The following RYR2 variants were observed in gnomAD, a reference collection of about 807,000 sequenced individuals.
RYR2 encodes cardiac muscle ryanodine receptor-calcium release channel.
A neutral mutation model predicts 601.1 loss-of-function variants in RYR2; 227 were observed. That is an observed-to-expected ratio of 0.38 (90% CI 0.34 to 0.42). RYR2 has a LOEUF of 0.42. Among genes scored for constraint, RYR2 ranks in the 10% least tolerant of loss-of-function variants. RYR2 has a pLI of 1.00. For missense variants in RYR2, 4,646 were observed against 6,156.5 expected, an observed-to-expected ratio of 0.75 and a Z score of 8.21; for synonymous variants, 2,223 against 2,175.1, an observed-to-expected ratio of 1.02 and a Z score of -0.61.
Position 237,501,713 on chromosome 1 carries a change from A to G in RYR2, c.2396+810A>G, listed in dbSNP as rs928085228. ...AATCATGAATATTAGCTATCCACGT[A>G]CCAGTTACTTTTTCTGATGTATTTA... is the stretch of plus-strand genomic sequence containing the variant. On this transcript the variant is annotated intron_variant, in intron 21 of 104. Transcript: ENST00000366574. 4.6e-5 allele frequency among the ~76,000 whole-genome samples: 7 copies of G among 152,218 alleles called. 1 individual carries two copies. In the East Asian group the frequency reaches 7.7e-4, roughly 17 times the overall value.
chr1:237,270,343 T>G, intron 1 of RYR2, 154 bp from the exon 2 acceptor site: 1 of 1,057,958 alleles, frequency 9.5e-7, no homozygotes. Context: ...ATTGATTCCG[T>G]AGGGGTTTCT....
At chr1:237,079,749 G>A (rs1168854297) in intron 1 of RYR2, among the ~76,000 whole-genome samples, 3 of 143,034 alleles carry the variant, frequency 2.1e-5, no homozygotes, top group African/African-American at 3.0e-5. Flanking sequence ...AGCTAGCAAT[G>A]CCTTTCTTCA....
At chr1:237,725,295 C>T (rs1456994061) in intron 74 of RYR2, among the ~76,000 whole-genome samples, 2 of 151,904 alleles carry the variant, frequency 1.3e-5, no homozygotes, top group African/African-American at 4.8e-5. Context: ...AAGAAATTGT[C>T]GATTATCAAA....
intron 91 of RYR2, among the ~76,000 whole-genome samples, chr1:237,787,778 C>A (rs1657822381): frequency 6.6e-6 from 1 of 152,064 alleles, no homozygotes; most frequent in Admixed American, 6.6e-5. Context: ...TTCAACTTCA[C>A]AGAATTACCC....
At chr1:237,287,892 T>A (rs930144558) in intron 2 of RYR2, among the ~76,000 whole-genome samples, 1 of 152,194 alleles carries the variant, frequency 6.6e-6, no homozygotes, top group Non-Finnish European at 1.5e-5. Flanking sequence ...AGCCTTGTTT[T>A]GTCATATTAC....
At chr1:237,075,104 G>C (rs1401898523) in intron 1 of RYR2, among the ~76,000 whole-genome samples, 1 of 152,134 alleles carries the variant, frequency 6.6e-6, no homozygotes, top group Non-Finnish European at 1.5e-5. Flanking sequence ...GGATATCACT[G>C]CGTGAATTTA....
intron 3 of RYR2, among the ~76,000 whole-genome samples, chr1:237,352,112 C>T (rs1034298539): frequency 1.3e-5 from 2 of 151,826 alleles, no homozygotes; most frequent in East Asian, 1.9e-4. Context: ...ATTAGTAAGT[C>T]GGCATGTAAG....
chr1:237,352,034 T>TA (rs752407008), intron 3 of RYR2, among the ~76,000 whole-genome samples: 2 of 151,574 alleles, frequency 1.3e-5, no homozygotes, highest in South Asian at 2.1e-4. Flanking sequence ...CTTATTAAGA[T>TA]AAAAAAATAT....
intron 90 of RYR2, among the ~76,000 whole-genome samples, chr1:237,785,428 G>A (rs1695471131): frequency 6.6e-6 from 1 of 152,148 alleles, no homozygotes; most frequent in Non-Finnish European, 1.5e-5. Flanking sequence ...TTTTCCAAGT[G>A]TCTGACAGAC....
intron 2 of RYR2, among the ~76,000 whole-genome samples, chr1:237,311,071 G>A (rs1327942248): frequency 1.3e-5 from 2 of 152,172 alleles, no homozygotes; most frequent in Non-Finnish European, 1.5e-5. Flanking sequence ...CTAATTGAGT[G>A]TCAGCATTAT....
chr1:237,075,366 C>A (rs58648144), intron 1 of RYR2, among the ~76,000 whole-genome samples: 53 of 143,450 alleles, frequency 3.7e-4, no homozygotes, highest in South Asian at 9.3e-4. Flanking sequence ...CTGAGGTACC[C>A]GGTTCATCTC....
Position 237,783,786 on chromosome 1 carries a change from A to T in RYR2, c.12074A>T (p.Asp4025Val). Residue 4025 changes from aspartate to valine, a missense_variant, in exon 90 of 105, where the codon GAT becomes GTT. Asp to Val is a radical substitution (Grantham distance 152). Coordinates refer to ENST00000366574, the MANE Select transcript of RYR2 (RefSeq NM_001035.3). ...KFFDMFLKLK[D>V]LTSSDTFKEY... ...TTTGACATGTTCTTAAAACTAAAGG[A>T]TTTGACGTCGTCTGATACTTTTAAA... The T allele has an allele frequency of 6.2e-7, 1 of 1,613,498 alleles. No individual in the cohort carries two copies. Among genetic ancestry groups the T allele is most frequent in the South Asian group, 1.1e-5 (1 of 90,928 alleles).
intron 65 of RYR2, among the ~76,000 whole-genome samples, chr1:237,701,397 G>T (rs1007439724): frequency 6.6e-6 from 1 of 151,972 alleles, no homozygotes; most frequent in African/African-American, 2.4e-5. Context: ...TGGGCATGAT[G>T]GTGCACACCT....
At chr1:237,172,588 A>G (rs1019495832) in intron 1 of RYR2, among the ~76,000 whole-genome samples, 2 of 152,164 alleles carry the variant, frequency 1.3e-5, no homozygotes, top group African/African-American at 2.4e-5. Context: ...TAGGAGGGGT[A>G]AAAAGAGATG....
intron 1 of RYR2, among the ~76,000 whole-genome samples, chr1:237,134,657 CTGA>C (rs1672563832): frequency 6.6e-6 from 1 of 152,134 alleles, no homozygotes; most frequent in Non-Finnish European, 1.5e-5. Flanking sequence ...ATCAGTTTGT[CTGA>C]TGTTCTCTTT....
At chr1:237,826,418 G>A (rs937610384) in intron 101 of RYR2, among the ~76,000 whole-genome samples, 1 of 152,120 alleles carries the variant, frequency 6.6e-6, no homozygotes, top group Non-Finnish European at 1.5e-5. Flanking sequence ...CACAAGAACA[G>A]AAAACCAAAC....
chr1:237,135,401 G>A (rs995350567), intron 1 of RYR2, among the ~76,000 whole-genome samples: 9 of 149,344 alleles, frequency 6.0e-5, no homozygotes, highest in African/African-American at 1.5e-4. Flanking sequence ...ACAGAGTCTC[G>A]CTCTGTTACC....
chr1:237,673,732 C>G (rs1287421073), intron 58 of RYR2, among the ~76,000 whole-genome samples: 2 of 152,308 alleles, frequency 1.3e-5, no homozygotes, highest in Admixed American at 1.3e-4. Flanking sequence ...TTTTCTAAAT[C>G]CAGCTAAGTA....
At chr1:237,137,016 C>CA (rs1167110660) in intron 1 of RYR2, among the ~76,000 whole-genome samples, 1,326 of 39,444 alleles carry the variant, frequency 0.034, 22 homozygotes, top group Non-Finnish European at 0.044. Context: ...GACTCCATCT[C>CA]AAAAAAAAAA....
Sources: gnomAD v4.1 joint callset for allele counts (sites outside exome capture counted in the v4.1 genomes callset) on GRCh38, gnomAD v4.1.1 for gene constraint, MANE v1.5 for transcripts, NCBI Gene and HGNC (gene_info 2026-07-23, HGNC 2026-07-21) for gene names.